Variants in WDR70 observed in about 807,000 individuals in gnomAD.
The protein encoded by WDR70 is WD repeat domain 70.
In WDR70, 53 loss-of-function variants were observed where a neutral mutation model predicts 88.6. The ratio of observed to expected loss-of-function variants is 0.60; its 90% CI spans 0.48 to 0.75. The LOEUF is 0.75. Ranked by LOEUF, WDR70 falls within the 30% of genes least tolerant of loss-of-function variation. The probability of loss-of-function intolerance (pLI) is 0.00; values close to 1 mark genes in which losing one functional copy is unlikely to be tolerated. For synonymous variants in WDR70, 280 were observed against 270.0 expected (o/e 1.04, Z -0.36); for missense variants, 610 against 823.2 (o/e 0.74, Z 3.17).
intron 5 of WDR70, among the ~76,000 whole-genome samples, chr5:37,432,703 C>A (rs1264911018): frequency 6.6e-6 from 1 of 151,400 alleles, no homozygotes; most frequent in African/African-American, 2.4e-5. Flanking sequence ...GCCTTTGAGC[C>A]ACCGCGCCCG....
intron 5 of WDR70, among the ~76,000 whole-genome samples, chr5:37,421,014 A>G (rs1395062827): frequency 6.6e-6 from 1 of 152,230 alleles, no homozygotes; most frequent in African/African-American, 2.4e-5. Flanking sequence ...GCAATTTTCT[A>G]AACAATTAAG....
intron 10 of WDR70, among the ~76,000 whole-genome samples, chr5:37,679,920 A>C (rs1400789067): frequency 6.6e-6 from 1 of 152,364 alleles, no homozygotes; most frequent in South Asian, 2.1e-4. Flanking sequence ...TTGTTTACCT[A>C]AGCAAGCCTG....
chr5:37,552,374 CTT>C (rs1742171779), intron 9 of WDR70, among the ~76,000 whole-genome samples: 2 of 152,142 alleles, frequency 1.3e-5, no homozygotes, highest in African/African-American at 4.8e-5. Context: ...GAACCAGTGT[CTT>C]TATCTGTAAA....
rs1477935938 is a variant in WDR70 at position 37,396,408 on chromosome 5, T to C, written c.330T>C (p.Ser110=). ...GCAGCAGTGAAAGTGAACAGAGTTC[T>C]GACTCTTCTGATGATGAGTTAATTG... is the stretch of plus-strand genomic sequence containing the variant. ...DTSSSESEQS[S]DSSDDELIGP... is the part of the protein sequence containing the mutation. Residue 110 remains serine (S), a synonymous_variant, in exon 5 of 18, where the codon TCT becomes TCC. Coordinates refer to ENST00000265107, the MANE Select transcript of WDR70 (RefSeq NM_018034.4). The C allele has an allele frequency of 1.2e-6, 2 of 1,613,552 alleles. No individual in the cohort carries two copies. Among genetic ancestry groups the C allele is most frequent in the Admixed American group, 3.3e-5 (2 of 59,876 alleles).
chr5:37,454,018 C>T (rs1431510456), intron 7 of WDR70, among the ~76,000 whole-genome samples: 2 of 152,172 alleles, frequency 1.3e-5, no homozygotes, highest in African/African-American at 2.4e-5. Flanking sequence ...GCACCTAAAA[C>T]AGTGTTTGGG....
intron 9 of WDR70, among the ~76,000 whole-genome samples, chr5:37,550,503 G>A (rs1212735028): frequency 6.6e-6 from 1 of 152,218 alleles, no homozygotes; most frequent in African/African-American, 2.4e-5. Flanking sequence ...GGTCTGCAGT[G>A]CAGATTAGGT....
chr5:37,639,766 C>T (rs1335921933), intron 10 of WDR70, among the ~76,000 whole-genome samples: 1 of 152,140 alleles, frequency 6.6e-6, no homozygotes, highest in Non-Finnish European at 1.5e-5. Flanking sequence ...TTCTGCTTAG[C>T]ATATTCTGAG....
chr5:37,509,685 G>A (rs541408046), intron 8 of WDR70, among the ~76,000 whole-genome samples: 43 of 151,892 alleles, frequency 2.8e-4, no homozygotes, highest in Non-Finnish European at 4.7e-4. Context: ...AGCCACTGTC[G>A]ATCTTCGCAT....
intron 9 of WDR70, among the ~76,000 whole-genome samples, chr5:37,563,600 G>A (rs1216727225): frequency 1.2e-5 from 1 of 82,182 alleles, no homozygotes; most frequent in African/African-American, 3.1e-5. Context: ...CTGGCCGGGC[G>A]GGGGGATGAC....
At chr5:37,540,327 A>G (rs1741780302) in intron 9 of WDR70, among the ~76,000 whole-genome samples, 1 of 152,198 alleles carries the variant, frequency 6.6e-6, no homozygotes, top group Non-Finnish European at 1.5e-5. Context: ...CACAAATCTT[A>G]AAAGTTAGAC....
chr5:37,507,847 T>C (rs990891679), intron 8 of WDR70, among the ~76,000 whole-genome samples: 2 of 152,242 alleles, frequency 1.3e-5, no homozygotes, highest in Non-Finnish European at 2.9e-5. Context: ...ATAGAAATTT[T>C]ATTGATTTTT....
At chr5:37,700,913 CCTTT>C (rs1427471611) in intron 11 of WDR70, 141 bp from the exon 12 acceptor site, 38 of 561,980 alleles carry the variant, frequency 6.8e-5, no homozygotes, top group African/African-American at 5.6e-4. Flanking sequence ...CTTCTTTCTT[CCTTT>C]CTTTCTTCTC....
intron 10 of WDR70, among the ~76,000 whole-genome samples, chr5:37,626,318 A>T (rs970603177): frequency 4.6e-5 from 7 of 152,332 alleles, no homozygotes; most frequent in Middle Eastern, 3.4e-3. Flanking sequence ...AGTTTTTATC[A>T]TGAAACGATG....
intron 4 of WDR70, among the ~76,000 whole-genome samples, chr5:37,392,488 T>C (rs1748866077): frequency 6.6e-6 from 1 of 151,840 alleles, no homozygotes; most frequent in South Asian, 2.1e-4. Flanking sequence ...TAGCTGGGAC[T>C]ACAGACGTGC....
chr5:37,407,565 A>G (rs1749391157), intron 5 of WDR70, among the ~76,000 whole-genome samples: 1 of 152,082 alleles, frequency 6.6e-6, no homozygotes, highest in South Asian at 2.1e-4. Context: ...TAATTGGTAA[A>G]TATTTCTCAA....
At chr5:37,430,324 G>T (rs981673119) in intron 5 of WDR70, among the ~76,000 whole-genome samples, 1 of 152,218 alleles carries the variant, frequency 6.6e-6, no homozygotes, top group African/African-American at 2.4e-5. Flanking sequence ...GTGATCTGAA[G>T]AGAGAACTGT....
In WDR70 at chr5:37,700,981, CA is replaced by C; in HGVS notation, c.1193-76del. On this transcript the variant is annotated intron_variant, in intron 11 of 17. Transcript: ENST00000265107. ...CTTTACAGTTATACATTAAGTTTAG[CA>C]GACTCTAAACTGGGAGCGAGTTCTT... 1.2e-5 allele frequency: 10 copies of C among 838,548 alleles called. No homozygotes were observed. In the South Asian group the frequency reaches 1.4e-4, roughly 12 times the overall value. 51.9% of individuals were successfully genotyped at this position (838,548 alleles called of 1,614,324 possible).
chr5:37,430,178 T>C (rs1001479569), intron 5 of WDR70, among the ~76,000 whole-genome samples: 6 of 152,222 alleles, frequency 3.9e-5, no homozygotes, highest in African/African-American at 1.2e-4. Flanking sequence ...CTAACTAATA[T>C]ATCTCTTAGA....
chr5:37,578,952 A>G (rs1485895544), intron 9 of WDR70, among the ~76,000 whole-genome samples: 1 of 152,168 alleles, frequency 6.6e-6, no homozygotes, highest in Non-Finnish European at 1.5e-5. Context: ...TTTCCTGTGT[A>G]ATTTTAATCT....
Sources: allele counts gnomAD v4.1 joint callset (sites outside exome capture counted in the v4.1 genomes callset), GRCh38; gene constraint gnomAD v4.1.1; transcripts MANE v1.5; gene names NCBI Gene and HGNC (gene_info 2026-07-23, HGNC 2026-07-21).